The following PKP2 variants were observed in gnomAD, a reference collection of about 807,000 sequenced individuals.
PKP2 encodes plakophilin-2.
Under a neutral mutation model 83.4 loss-of-function variants are expected in PKP2, and 73 were observed. The ratio of observed to expected loss-of-function variants is 0.88; its 90% confidence interval spans 0.72 to 1.06. The LOEUF (loss-of-function observed/expected upper bound fraction) is 1.06. Among genes scored for constraint, PKP2 ranks in the 50% least tolerant of loss-of-function variants. PKP2 has a pLI of 0.00. For synonymous variants in PKP2, 409 were observed against 430.4 expected (o/e 0.95, Z 0.62); for missense variants, 966 against 1,065.4 (o/e 0.91, Z 1.30).
At chr12:32,862,956 G>A (rs562181957) in intron 4 of PKP2, among the ~76,000 whole-genome samples, 1 of 152,080 alleles carries the variant, frequency 6.6e-6, no homozygotes, top group African/African-American at 2.4e-5. Context: ...CTAAGATCGC[G>A]CCACTGCATT....
Position 32,793,197 on chromosome 12 carries a change from C to T in PKP2, c.2358-466G>A, listed in dbSNP as rs368528886. On this transcript the variant is annotated intron_variant, in intron 11 of 12. Coordinates refer to ENST00000340811, the MANE Select transcript of PKP2 (RefSeq NM_001005242.3). ...CGGAGGTTGCAGTGAGCCGAGATCA[C>T]GCCACTGCACTCCAGCCTGGTGACA... 6.6e-5 allele frequency among the ~76,000 whole-genome samples: 10 copies of T among 152,140 alleles called. No individual in the cohort carries two copies. The South Asian group carries it at 8.3e-4, about 13-fold the overall frequency.
intron 6 of PKP2, 85 bp downstream of exon 6, chr12:32,840,943 C>A: frequency 1.1e-6 from 1 of 950,870 alleles, no homozygotes; most frequent in Non-Finnish European, 1.7e-6. Context: ...AGAAAAGAAC[C>A]AAAGGCAGAA....
chr12:32,802,589 T>C (rs1452603582), intron 9 of PKP2, 33 bp from the exon 10 acceptor site: 2 of 1,595,938 alleles, frequency 1.3e-6, no homozygotes, highest in South Asian at 2.2e-5. Flanking sequence ...TAAGTGCTAT[T>C]GTATTTGATT....
intron 10 of PKP2, among the ~76,000 whole-genome samples, chr12:32,802,060 A>G (rs753710855): frequency 7.2e-5 from 11 of 152,220 alleles, no homozygotes; most frequent in Non-Finnish European, 1.3e-4. Flanking sequence ...AAAGACAACT[A>G]TATGGATTAG....
intron 3 of PKP2, among the ~76,000 whole-genome samples, chr12:32,871,686 G>A (rs1296477302): frequency 2.0e-5 from 3 of 151,890 alleles, no homozygotes; most frequent in South Asian, 2.1e-4. Context: ...GGCTGGTCTC[G>A]AACTCCTGAC....
Position 32,821,443 on chromosome 12 carries a change from A to G in PKP2, c.1926T>C (p.Tyr642=). ...GGACACTTTTGGCGATCAAGGACAG[A>G]TACATCCTTATAACAATGGAATGCC... ...WLWHSIVIRM[Y]LSLIAKSVRN... is the part of the protein sequence containing the mutation. Residue 642 remains tyrosine, a synonymous_variant, in exon 9 of 13, where the codon TAT becomes TAC. Coordinates refer to ENST00000340811, the MANE Select transcript of PKP2 (RefSeq NM_001005242.3). 3 of 1,614,068 alleles carry G rather than the reference A, an allele frequency of 1.9e-6. No individual in the cohort carries two copies. Among genetic ancestry groups the G allele is most frequent in the Non-Finnish European group, 2.5e-6 (3 of 1,179,996 alleles).
intron 4 of PKP2, among the ~76,000 whole-genome samples, chr12:32,866,083 G>C (rs1380827707): frequency 6.6e-6 from 1 of 151,984 alleles, no homozygotes; most frequent in Admixed American, 6.6e-5. Flanking sequence ...TGAAAAAACA[G>C]AGCACAACTG....
chr12:32,868,271 T>C (rs982649558), intron 4 of PKP2, among the ~76,000 whole-genome samples: 2 of 152,228 alleles, frequency 1.3e-5, no homozygotes, highest in Non-Finnish European at 2.9e-5. Context: ...TGGAGTGCAG[T>C]GGTGCAATCT....
At chr12:32,807,929 G>T (rs1022868869) in intron 9 of PKP2, among the ~76,000 whole-genome samples, 15 of 152,158 alleles carry the variant, frequency 9.9e-5, no homozygotes, top group African/African-American at 3.4e-4. Context: ...CTTTGTAGGT[G>T]ACCTGGCCTT....
intron 6 of PKP2, among the ~76,000 whole-genome samples, chr12:32,834,616 T>G (rs1318976993): frequency 6.6e-6 from 1 of 152,164 alleles, no homozygotes; most frequent in Non-Finnish European, 1.5e-5. Context: ...ACCTGCCCAC[T>G]TAAGTGCCTA....
intron 9 of PKP2, 111 bp downstream of exon 9, chr12:32,821,245 C>T: frequency 9.6e-7 from 1 of 1,036,972 alleles, no homozygotes; most frequent in Non-Finnish European, 1.5e-6. Flanking sequence ...ATTGTCTTTA[C>T]TAAAATAAGA....
chr12:32,844,706 G>A (rs1407709380), intron 5 of PKP2, among the ~76,000 whole-genome samples: 1 of 152,202 alleles, frequency 6.6e-6, no homozygotes, highest in Non-Finnish European at 1.5e-5. Context: ...TTATCAGAAA[G>A]TAGATGAGGG....
rs1956961884 is a variant in PKP2, at chr12:32,878,993, T to C, written c.263A>G (p.Tyr88Cys). 1 of 1,606,356 alleles carries C rather than the reference T, an allele frequency of 6.2e-7. No homozygotes were observed. Among genetic ancestry groups the C allele is most frequent in the Non-Finnish European group, 8.5e-7 (1 of 1,174,624 alleles). The change falls in exon 2 of 13, where the codon TAC (tyrosine) becomes TGC (cysteine). Residue 88 changes from tyrosine to cysteine, a missense_variant. Physicochemically the swap from Tyr to Cys is radical, Grantham distance 194 (BLOSUM62 -2). Transcript: ENST00000340811. The stretch of plus-strand genomic sequence containing the variant: ...ATCATTTTCAACCAAGTGTAGGTTG[T>C]AGACATACTCAGGAACACTGCTGGT... The part of the protein sequence containing the change: ...HRTSSVPEYV[Y>C]NLHLVENDFV...
chr12:32,858,074 A>AAC (rs1956764790), intron 4 of PKP2, among the ~76,000 whole-genome samples: 1 of 66,482 alleles, frequency 1.5e-5, no homozygotes. Flanking sequence ...CAAAAAAAAA[A>AAC]AAAAAAAAAA....
intron 9 of PKP2, among the ~76,000 whole-genome samples, chr12:32,810,590 A>G (rs975479426): frequency 2.6e-5 from 4 of 152,158 alleles, no homozygotes; most frequent in Admixed American, 6.5e-5. Flanking sequence ...TGTTTTTTTA[A>G]TCTACTCTTT....
At chr12:32,804,697 A>G (rs1194166922) in intron 9 of PKP2, among the ~76,000 whole-genome samples, 2 of 152,130 alleles carry the variant, frequency 1.3e-5, no homozygotes, top group African/African-American at 2.4e-5. Context: ...TATTCAATCT[A>G]TCACTGGTGG....
intron 9 of PKP2, among the ~76,000 whole-genome samples, chr12:32,815,040 C>T (rs1324476922): frequency 2.2e-5 from 3 of 136,746 alleles, no homozygotes; most frequent in African/African-American, 7.6e-5. Context: ...TGATTTTATA[C>T]TTGTCTACCA....
chr12:32,829,285 C>T (rs967410663), intron 6 of PKP2, among the ~76,000 whole-genome samples: 3 of 149,026 alleles, frequency 2.0e-5, no homozygotes, highest in Non-Finnish European at 4.5e-5. Flanking sequence ...GATAGAGTCT[C>T]ACTCTGTTGC....
chr12:32,834,254 A>G (rs1180064825), intron 6 of PKP2, among the ~76,000 whole-genome samples: 1 of 152,182 alleles, frequency 6.6e-6, no homozygotes, highest in African/African-American at 2.4e-5. Context: ...CCCTTTTGAA[A>G]TCTCAGAAAT....
Sources: gnomAD v4.1 joint callset for allele counts (sites outside exome capture counted in the v4.1 genomes callset) on GRCh38, gnomAD v4.1.1 for gene constraint, MANE v1.5 for transcripts, NCBI Gene and HGNC (gene_info 2026-07-23, HGNC 2026-07-21) for gene names.